Variants in TRDN observed in about 807,000 individuals in gnomAD.
TRDN encodes triadin.
Under a neutral mutation model 149.7 loss-of-function variants are expected in TRDN, and 161 were observed. The ratio of observed to expected loss-of-function variants is 1.08; its 90% CI spans 0.95 to 1.23. The LOEUF (loss-of-function observed/expected upper bound fraction) is 1.23, where lower values mean the gene tolerates loss of function less well. TRDN is among the 50% of genes most tolerant of loss of function. The pLI is 0.00. For missense variants in TRDN, 896 were observed against 823.5 expected, an observed-to-expected ratio of 1.09 and a Z score of -1.08; for synonymous variants, 294 against 250.5, an observed-to-expected ratio of 1.17 and a Z score of -1.64.
chr6:123,633,160 G>A (rs1437035589), intron 1 of TRDN, among the ~76,000 whole-genome samples: 1 of 152,056 alleles, frequency 6.6e-6, no homozygotes, highest in African/African-American at 2.4e-5. Context: ...AAGCGTTCTA[G>A]TAAATACTAA....
At chr6:123,253,909 A>C (rs1776463500) in intron 37 of TRDN, among the ~76,000 whole-genome samples, 1 of 152,226 alleles carries the variant, frequency 6.6e-6, no homozygotes, top group South Asian at 2.1e-4. Context: ...TTGTATTTGC[A>C]GCAGCGTAAT....
At chr6:123,318,289 A>AT (rs1779108274) in intron 23 of TRDN, among the ~76,000 whole-genome samples, 1 of 152,050 alleles carries the variant, frequency 6.6e-6, no homozygotes, top group South Asian at 2.1e-4. Flanking sequence ...GATGAGAATT[A>AT]TTTTTTCTGG....
intron 38 of TRDN, among the ~76,000 whole-genome samples, chr6:123,252,050 C>T (rs575555026): frequency 3.2e-4 from 48 of 152,080 alleles, no homozygotes; most frequent in African/African-American, 1.1e-3. Flanking sequence ...CATCACTGTT[C>T]GACCATATGT....
chr6:123,431,999 T>G (rs1406187386), intron 12 of TRDN, among the ~76,000 whole-genome samples: 1 of 152,168 alleles, frequency 6.6e-6, no homozygotes, highest in Non-Finnish European at 1.5e-5. Flanking sequence ...AGAATATTAT[T>G]TGCCACATAC....
chr6:123,596,899 T>C (rs1784063514), intron 1 of TRDN, among the ~76,000 whole-genome samples: 1 of 152,138 alleles, frequency 6.6e-6, no homozygotes, highest in Non-Finnish European at 1.5e-5. Context: ...AGAGCTCTGA[T>C]AGAGATGTTT....
At chr6:123,497,913 T>TAAACAAAA in intron 8 of TRDN, among the ~76,000 whole-genome samples, 1 of 151,050 alleles carries the variant, frequency 6.6e-6, no homozygotes, top group African/African-American at 2.4e-5. Flanking sequence ...ATGGTGAAAG[T>TAAACAAAA]AAACAAACAA....
intron 21 of TRDN, chr6:123,350,971 C>T: frequency 4.1e-6 from 4 of 984,994 alleles, no homozygotes; most frequent in African/African-American, 1.7e-5. Context: ...GAAACTGACA[C>T]CAATGTGATG....
chr6:123,425,232 G>GGTGTGTGTGTGTGTGT (rs60065532), intron 12 of TRDN, among the ~76,000 whole-genome samples: 1 of 138,720 alleles, frequency 7.2e-6, no homozygotes, highest in Non-Finnish European at 1.6e-5. Flanking sequence ...CAGAGGTAGA[G>GGTGTGTGTGTGTGTGT]GTGTGTGTGT....
At chr6:123,582,173 AAT>A (rs1783153410) in intron 1 of TRDN, among the ~76,000 whole-genome samples, 2 of 152,162 alleles carry the variant, frequency 1.3e-5, no homozygotes, top group Admixed American at 1.3e-4. Context: ...GACAACTCGA[AAT>A]GGGGGGCATT....
chr6:123,612,711 A>T (rs935495457), intron 1 of TRDN, among the ~76,000 whole-genome samples: 1 of 150,622 alleles, frequency 6.6e-6, no homozygotes, highest in Non-Finnish European at 1.5e-5. Context: ...AGATGAAGAC[A>T]TCTTGACATA....
chr6:123,272,975 T>C lies in TRDN; in HGVS notation c.1661A>G (p.His554Arg), dbSNP rs1777253805. The C allele has an allele frequency of 2.6e-6, 4 of 1,529,952 alleles. No individual in the cohort carries two copies. The highest frequency in any genetic ancestry group is 3.5e-6 in the Non-Finnish European group (4 of 1,138,632). The allele number at this position is 1,529,952 out of a possible 1,614,324, so 94.8% of individuals were successfully genotyped here. ...CACCTGCAAAATACCTGGTTTACCA[T>C]GAGAAACAGTCTTTTCTGGTTTCAC... ...DIVKPEKTVSHGKPEEKVLKQ... is the reference protein window; with the variant it reads ...DIVKPEKTVSRGKPEEKVLKQ... Residue 554 changes from histidine to arginine, a missense_variant, in exon 29 of 41, where the codon CAT (histidine) becomes CGT (arginine). Physicochemically the swap from His to Arg is conservative, Grantham distance 29. Coordinates refer to ENST00000334268, the MANE Select transcript of TRDN (RefSeq NM_006073.4).
intron 5 of TRDN, among the ~76,000 whole-genome samples, chr6:123,521,323 C>A (rs1443212451): frequency 6.6e-6 from 1 of 152,086 alleles, no homozygotes; most frequent in Non-Finnish European, 1.5e-5. Flanking sequence ...AGTCATGAGG[C>A]TAGTCCCTAA....
intron 12 of TRDN, among the ~76,000 whole-genome samples, chr6:123,427,857 A>G (rs1167259834): frequency 1.3e-5 from 2 of 152,186 alleles, no homozygotes; most frequent in African/African-American, 4.8e-5. Flanking sequence ...TTAATTCTTT[A>G]CTACACATAA....
chr6:123,299,491 GTTTTTC>G (rs1778326513), intron 24 of TRDN, among the ~76,000 whole-genome samples: 1 of 151,916 alleles, frequency 6.6e-6, no homozygotes, highest in Admixed American at 6.6e-5. Flanking sequence ...AAATAGTCCT[GTTTTTC>G]TTTCTTAAGA....
chr6:123,361,901 G>A (rs906691139), intron 20 of TRDN, among the ~76,000 whole-genome samples: 6 of 151,964 alleles, frequency 3.9e-5, no homozygotes, highest in Non-Finnish European at 8.8e-5. Flanking sequence ...CATGCAAAGG[G>A]CACCAATGTA....
intron 10 of TRDN, among the ~76,000 whole-genome samples, chr6:123,456,212 T>A (rs1368809394): frequency 6.6e-6 from 1 of 152,220 alleles, no homozygotes; most frequent in Non-Finnish European, 1.5e-5. Flanking sequence ...TTCAATTTTT[T>A]AAATTTGCCT....
At chr6:123,595,239 TCTC>T (rs796509989) in intron 1 of TRDN, among the ~76,000 whole-genome samples, 96 of 152,274 alleles carry the variant, frequency 6.3e-4, no homozygotes, top group African/African-American at 2.3e-3. Flanking sequence ...CATTTGTACT[TCTC>T]ATAGTTCTTT....
intron 14 of TRDN, among the ~76,000 whole-genome samples, chr6:123,387,233 A>G (rs1469845157): frequency 1.3e-5 from 2 of 152,134 alleles, no homozygotes; most frequent in Admixed American, 6.5e-5. Flanking sequence ...AAAACTCCCA[A>G]ACAGCTTTTA....
chr6:123,619,680 G>T (rs190372101), intron 1 of TRDN, among the ~76,000 whole-genome samples: 7 of 152,214 alleles, frequency 4.6e-5, no homozygotes, highest in African/African-American at 1.7e-4. Flanking sequence ...GGGAAATCTT[G>T]CTGCAGCCAC....
Sources: allele counts gnomAD v4.1 joint callset (sites outside exome capture counted in the v4.1 genomes callset), GRCh38; gene constraint gnomAD v4.1.1; transcripts MANE v1.5; gene names NCBI Gene and HGNC (gene_info 2026-07-23, HGNC 2026-07-21).